The following GARNL3 variants were observed in gnomAD, a reference collection of about 807,000 sequenced individuals.
GARNL3 encodes the protein GTPase activating Rap/RanGAP domain like 3.
GARNL3 carries 63 observed loss-of-function variants against 125.0 expected under a neutral mutation model. The ratio of observed to expected loss-of-function variants is 0.50; its 90% CI spans 0.41 to 0.62. The LOEUF (loss-of-function observed/expected upper bound fraction) is 0.62, where lower values mean the gene tolerates loss of function less well. GARNL3 is among the 20% of genes least tolerant of loss of function. The pLI is 0.00. For synonymous variants in GARNL3, 439 were observed against 457.5 expected, an observed-to-expected ratio of 0.96 and a Z score of 0.52; for missense variants, 994 against 1,244.0, an observed-to-expected ratio of 0.80 and a Z score of 3.02.
intron 26 of GARNL3, among the ~76,000 whole-genome samples, chr9:127,389,921 T>TA (rs1169168184): frequency 0.12 from 9,459 of 78,624 alleles, 1,013 homozygotes; most frequent in East Asian, 0.23. Flanking sequence ...ACCCTGTCTT[T>TA]AAAAAAAAAA....
chr9:127,291,314 A>G (rs1167531502), intron 2 of GARNL3, 72 bp downstream of exon 2: 1 of 1,337,996 alleles, frequency 7.5e-7, no homozygotes, highest in African/African-American at 1.4e-5. Flanking sequence ...TAGCAGTGAA[A>G]GAGTTCTGGA....
intron 1 of GARNL3, among the ~76,000 whole-genome samples, chr9:127,230,990 A>G (rs1163520879): frequency 4.7e-4 from 67 of 143,362 alleles, no homozygotes; most frequent in Non-Finnish European, 9.3e-4. Flanking sequence ...ATACACATAT[A>G]TGTATATATA....
At chr9:127,362,365 C>G (rs1029822413) in intron 21 of GARNL3, 1 of 152,180 alleles carries the variant, frequency 6.6e-6, no homozygotes, top group African/African-American at 2.4e-5. Context: ...AGCCACCATG[C>G]CTGGCACATT....
At chr9:127,231,228 G>A (rs28588453) in intron 1 of GARNL3, among the ~76,000 whole-genome samples, 34 of 100,526 alleles carry the variant, frequency 3.4e-4, no homozygotes, top group African/African-American at 1.2e-3. Flanking sequence ...CTAATTTTTT[G>A]TTTTTTTTTT....
intron 2 of GARNL3, chr9:127,245,397 G>C (rs1268101635): frequency 1.3e-5 from 2 of 152,560 alleles, no homozygotes; most frequent in Non-Finnish European, 2.9e-5. Flanking sequence ...CTGCGGGACT[G>C]CGATCGCTGC....
intron 22 of GARNL3, among the ~76,000 whole-genome samples, chr9:127,368,238 G>A (rs1055030243): frequency 1.3e-5 from 2 of 151,816 alleles, no homozygotes; most frequent in South Asian, 4.2e-4. Flanking sequence ...AGACCAGGGA[G>A]AAGGTGACTG....
At chr9:127,293,641 C>T (rs142471127) in intron 2 of GARNL3, among the ~76,000 whole-genome samples, 6 of 152,218 alleles carry the variant, frequency 3.9e-5, no homozygotes, top group Admixed American at 2.0e-4. Flanking sequence ...TTATCATCTG[C>T]GACCGAGAAT....
intron 1 of GARNL3, among the ~76,000 whole-genome samples, chr9:127,225,606 G>C (rs1054982997): frequency 6.6e-6 from 1 of 151,824 alleles, no homozygotes; most frequent in Admixed American, 6.6e-5. Context: ...GACGGGTGTC[G>C]GGCGTCCAGA....
In GARNL3 at chr9:127,345,384, G is replaced by T. The variant is rs1397090314; in HGVS notation, c.1357-19G>T. On this transcript the variant is annotated intron_variant, in intron 15 of 27. Coordinates refer to ENST00000373387, the MANE Select transcript of GARNL3 (RefSeq NM_032293.5). ...TTTTGCCGCCTAGTAAACTTTAATA[G>T]AGATCTCTGTTCTGTAAGGCACTAA... The T allele has an allele frequency of 6.5e-7, 1 of 1,535,060 alleles. No individual in the cohort carries two copies. Among genetic ancestry groups the T allele is most frequent in the African/African-American group, 1.4e-5 (1 of 71,908 alleles).
intron 22 of GARNL3, chr9:127,369,067 C>T (rs923851107): frequency 6.6e-6 from 1 of 150,424 alleles, no homozygotes; most frequent in Non-Finnish European, 1.5e-5. Context: ...ACGGTATCTT[C>T]GTGCAGCTTT....
chr9:127,261,415 T>TTC (rs763106064), upstream of GARNL3, among the ~76,000 whole-genome samples: 1,105 of 138,258 alleles, frequency 8.0e-3, 8 homozygotes, highest in Non-Finnish European at 0.011. Context: ...TGGTTTTTTT[T>TTC]TTTTTTTTTT....
intron 16 of GARNL3, among the ~76,000 whole-genome samples, chr9:127,346,320 T>C (rs1356425297): frequency 6.6e-6 from 1 of 152,152 alleles, no homozygotes; most frequent in Non-Finnish European, 1.5e-5. Context: ...GCAAAATAAT[T>C]ATGAATACAT....
At chr9:127,353,703 T>C (rs1158083032) in intron 17 of GARNL3, 143 bp from the exon 18 acceptor site, 4 of 712,068 alleles carry the variant, frequency 5.6e-6, no homozygotes, top group African/African-American at 3.6e-5. Context: ...ATGTATTTTG[T>C]AGAGCTTATG....
intron 11 of GARNL3, among the ~76,000 whole-genome samples, chr9:127,337,041 C>T (rs760755147): frequency 6.6e-6 from 1 of 152,218 alleles, no homozygotes; most frequent in Admixed American, 6.5e-5. Flanking sequence ...GAGACTTGGA[C>T]TTGTTCCTTG....
chr9:127,230,406 T>A (rs1262417437), intron 1 of GARNL3, among the ~76,000 whole-genome samples: 1 of 152,176 alleles, frequency 6.6e-6, no homozygotes, highest in African/African-American at 2.4e-5. Context: ...ATGCCTGTAA[T>A]CCTAGCACTT....
chr9:127,357,400 A>C (rs1241251839), intron 21 of GARNL3, 23 bp downstream of exon 21: 1 of 1,610,700 alleles, frequency 6.2e-7, no homozygotes, highest in Non-Finnish European at 8.5e-7. Context: ...TTGTGGGGAC[A>C]AGTGAGAATC....
chr9:127,380,319 T>A (rs1313593059), intron 22 of GARNL3, among the ~76,000 whole-genome samples: 1 of 151,984 alleles, frequency 6.6e-6, no homozygotes, highest in Non-Finnish European at 1.5e-5. Flanking sequence ...TCCTCAAATA[T>A]TCTACAACAA....
chr9:127,327,151 G>C (rs897333968), intron 7 of GARNL3, among the ~76,000 whole-genome samples: 2 of 152,112 alleles, frequency 1.3e-5, no homozygotes, highest in African/African-American at 2.4e-5. Flanking sequence ...TTCATTCATT[G>C]ATTCAACACA....
intron 6 of GARNL3, among the ~76,000 whole-genome samples, chr9:127,323,494 C>G (rs751880005): frequency 9.2e-5 from 14 of 152,298 alleles, no homozygotes; most frequent in Non-Finnish European, 1.9e-4. Flanking sequence ...TTCAGCCTAG[C>G]CCACTGAGGA....
Sources: allele counts gnomAD v4.1 joint callset (sites outside exome capture counted in the v4.1 genomes callset), GRCh38; gene constraint gnomAD v4.1.1; transcripts MANE v1.5; gene names NCBI Gene and HGNC (gene_info 2026-07-23, HGNC 2026-07-21).